Variants in ARIH2 observed in about 807,000 individuals in gnomAD.
The protein encoded by ARIH2 is E3 ubiquitin-protein ligase ARIH2.
In ARIH2, 12 loss-of-function variants were observed where a neutral mutation model predicts 79.8. The ratio of observed to expected loss-of-function variants is 0.15; its 90% CI spans 0.10 to 0.24. The LOEUF (loss-of-function observed/expected upper bound fraction) is 0.24, where lower values mean the gene tolerates loss of function less well. ARIH2 is among the 10% of genes least tolerant of loss of function. The pLI is 1.00. For missense variants in ARIH2, 301 were observed against 618.3 expected, an observed-to-expected ratio of 0.49 and a Z score of 5.44; for synonymous variants, 224 against 213.9, an observed-to-expected ratio of 1.05 and a Z score of -0.41.
At chr3:48,965,051 C>T (rs1232495860) in intron 5 of ARIH2, 69 bp downstream of exon 5, 8 of 1,458,486 alleles carry the variant, frequency 5.5e-6, no homozygotes, top group Non-Finnish European at 7.7e-6. Context: ...TTGCAGTGTC[C>T]TTAAGAGCTA....
intron 3 of ARIH2, among the ~76,000 whole-genome samples, chr3:48,928,417 T>G (rs2085922220): frequency 1.3e-5 from 2 of 152,250 alleles, no homozygotes; most frequent in African/African-American, 4.8e-5. Flanking sequence ...AAAACATACC[T>G]TTGGATGTCT....
intron 3 of ARIH2, among the ~76,000 whole-genome samples, chr3:48,929,329 G>T (rs764519631): frequency 6.6e-6 from 1 of 151,448 alleles, no homozygotes; most frequent in Non-Finnish European, 1.5e-5. Context: ...CCGTCCGTCC[G>T]TCCTTCCTTC....
At position 48,934,441 on chromosome 3, in the gene ARIH2, A is replaced by G. The variant is rs575278976; in HGVS notation, c.255+6628A>G. On this transcript the variant is annotated intron_variant, in intron 3 of 15. Transcript: ENST00000356401. The stretch of plus-strand genomic sequence containing the variant: ...ATAATGGTTTGTTGTTGTTGTTGTT[A>G]TTATTGTTGCTACTACTCATGGGAA... The G allele has an allele frequency of 8.9e-4, 880 of 985,156 alleles. 1 individual carries two copies. Among genetic ancestry groups the G allele is most frequent in the Non-Finnish European group, 1.0e-3 (835 of 829,786 alleles). 61.0% of individuals were successfully genotyped at this position (985,156 alleles called of 1,614,324 possible).
Position 48,974,849 on chromosome 3 carries a change from T to C in ARIH2, c.921T>C (p.Asn307=). The change falls in exon 10 of 16, where the codon AAT becomes AAC. Residue 307 remains asparagine, a synonymous_variant. Coordinates refer to ENST00000356401, the MANE Select transcript of ARIH2 (RefSeq NM_006321.4). ...AGTGCAACATCTGCATTGAGAAGAA[T>C]GGAGGCTGCAATCACATGGTGAGCA... ...CPKCNICIEK[N]GGCNHMQCSK... 1.2e-6 allele frequency: 2 copies of C among 1,613,982 alleles called. No individual in the cohort carries two copies. Among genetic ancestry groups the C allele is most frequent in the Admixed American group, 1.7e-5 (1 of 60,018 alleles).
intron 11 of ARIH2, among the ~76,000 whole-genome samples, chr3:48,978,457 GTGTGTGTGTA>G (rs1200537174): frequency 6.0e-5 from 7 of 115,778 alleles, no homozygotes; most frequent in African/African-American, 2.2e-4. Flanking sequence ...GTGTGTGTGT[GTGTGTGTGTA>G]TATATATATA....
In ARIH2 at chr3:48,964,956, C is replaced by A; in HGVS notation, c.361C>A (p.Arg121=). Residue 121 remains arginine (R), a synonymous_variant, in exon 5 of 16, where the codon CGA becomes AGA. Transcript: ENST00000356401. ...SNSAQLLVEA[R]VQPNPSKHVP... ...TTCTGCTCAACTGCTTGTTGAGGCT[C>A]GAGTTCAGCCTAATCCATCAAAACA... 6.2e-7 allele frequency: 1 copy of A among 1,613,556 alleles called. No individual in the cohort carries two copies. The highest frequency in any genetic ancestry group is 1.1e-5 in the South Asian group (1 of 91,054).
intron 7 of ARIH2, among the ~76,000 whole-genome samples, chr3:48,969,172 CTCTT>C (rs1351915443): frequency 6.6e-6 from 1 of 151,610 alleles, no homozygotes; most frequent in East Asian, 1.9e-4. Context: ...TGCACCCAGC[CTCTT>C]TCTTTTTTTT....
At chr3:48,978,921 A>T (rs911912842) in intron 11 of ARIH2, among the ~76,000 whole-genome samples, 1 of 151,886 alleles carries the variant, frequency 6.6e-6, no homozygotes, top group African/African-American at 2.4e-5. Context: ...AGATCGCGCC[A>T]CTGCACTCCA....
intron 3 of ARIH2, among the ~76,000 whole-genome samples, chr3:48,958,039 C>T (rs1183972778): frequency 3.9e-5 from 6 of 152,090 alleles, no homozygotes; most frequent in Admixed American, 1.3e-4. Flanking sequence ...TAAAACTATT[C>T]GAGGGGTAAA....
Position 48,981,735 on chromosome 3 carries a change from CA to C in ARIH2, c.1326+10del. 1 of 1,611,672 alleles carries C rather than the reference CA, an allele frequency of 6.2e-7. No homozygotes were observed. Among genetic ancestry groups the C allele is most frequent in the South Asian group, 1.1e-5 (1 of 91,004 alleles). ...CGGACCCAGGAAGAAGCTGGTAAGG[CA>C]AAGCAATTTTTCTACTCTGTCCCGT... On this transcript the variant is annotated splice_region_variant and intron_variant, in intron 14 of 15. Transcript: ENST00000356401.
At chr3:48,966,875 C>T (rs992449886) in intron 5 of ARIH2, among the ~76,000 whole-genome samples, 1 of 152,170 alleles carries the variant, frequency 6.6e-6, no homozygotes, top group Non-Finnish European at 1.5e-5. Context: ...GTTCTCATTT[C>T]AGCCTTGTTT....
chr3:48,983,047 C>A, intron 15 of ARIH2, 68 bp downstream of exon 15: 2 of 1,539,332 alleles, frequency 1.3e-6, no homozygotes, highest in South Asian at 1.1e-5. Flanking sequence ...TAGGTGACAG[C>A]GTTGTTGGCT....
chr3:48,945,029 G>A (rs1307852350), intron 3 of ARIH2: 4 of 925,270 alleles, frequency 4.3e-6, no homozygotes, highest in East Asian at 1.2e-4. Context: ...ACCACGAAGT[G>A]GCAGGCTGAG....
chr3:48,938,233 T>C (rs1436044479), intron 3 of ARIH2, among the ~76,000 whole-genome samples: 2 of 152,184 alleles, frequency 1.3e-5, no homozygotes, highest in Non-Finnish European at 1.5e-5. Flanking sequence ...AAATTTTCTT[T>C]TACAAATTTA....
At chr3:48,929,181 C>T (rs1035239367) in intron 3 of ARIH2, among the ~76,000 whole-genome samples, 2 of 152,026 alleles carry the variant, frequency 1.3e-5, no homozygotes, top group African/African-American at 2.4e-5. Context: ...AGTGTGTAAC[C>T]ATGCTCTGGA....
At chr3:48,968,007 CTTT>C (rs138795979) in intron 6 of ARIH2, 1 of 152,742 alleles carries the variant, frequency 6.5e-6, no homozygotes, top group Non-Finnish European at 1.4e-5. Flanking sequence ...TTGTCCATCA[CTTT>C]TTTGGGTTTG....
intron 11 of ARIH2, among the ~76,000 whole-genome samples, chr3:48,976,497 C>T (rs1409154822): frequency 6.6e-6 from 1 of 152,100 alleles, no homozygotes; most frequent in African/African-American, 2.4e-5. Flanking sequence ...AGGTGTGAGC[C>T]ACCGCTCCCG....
intron 11 of ARIH2, 90 bp downstream of exon 11, chr3:48,975,069 A>G: frequency 6.2e-7 from 1 of 1,604,304 alleles, no homozygotes; most frequent in Non-Finnish European, 8.5e-7. Flanking sequence ...CTGCCATGAA[A>G]TGACAAAACA....
At chr3:48,947,107 TC>T (rs1229532740) in intron 3 of ARIH2, among the ~76,000 whole-genome samples, 3 of 151,992 alleles carry the variant, frequency 2.0e-5, no homozygotes, top group African/African-American at 7.3e-5. Context: ...GAGCAGAACA[TC>T]CGGTGAAATA....
Sources: allele counts gnomAD v4.1 joint callset (sites outside exome capture counted in the v4.1 genomes callset), GRCh38; gene constraint gnomAD v4.1.1; transcripts MANE v1.5; gene names NCBI Gene and HGNC (gene_info 2026-07-23, HGNC 2026-07-21).